WNT3A: variants seen among roughly 807,000 people sequenced by gnomAD.
The protein encoded by WNT3A is Wnt family member 3A, also known as protein Wnt-3a.
A neutral mutation model predicts 37.0 loss-of-function variants in WNT3A; 17 were observed. The ratio of observed to expected loss-of-function variants is 0.46; its 90% CI spans 0.31 to 0.69. The LOEUF (loss-of-function observed/expected upper bound fraction) is 0.69. WNT3A is among the 30% of genes least tolerant of loss of function. The probability of loss-of-function intolerance (pLI) is 0.05; values close to 1 mark genes in which losing one functional copy is unlikely to be tolerated. For synonymous variants in WNT3A, 187 were observed against 211.0 expected, an observed-to-expected ratio of 0.89 and a Z score of 0.99; for missense variants, 411 against 510.2, an observed-to-expected ratio of 0.81 and a Z score of 1.87.
chr1:228,058,901 G>T, intron 3 of WNT3A, 85 bp from the exon 4 acceptor site: 1 of 1,349,022 alleles, frequency 7.4e-7, no homozygotes, highest in Middle Eastern at 2.5e-4. Context: ...GGAGCAGGTA[G>T]GCTGCAGGCG....
chr1:228,054,116 G>A (rs115310027), intron 3 of WNT3A, among the ~76,000 whole-genome samples: 83 of 152,312 alleles, frequency 5.4e-4, no homozygotes, highest in African/African-American at 1.9e-3. Flanking sequence ...CTTCCTCAGT[G>A]TAGGCTGTGA....
chr1:228,039,836 C>G lies in WNT3A; in HGVS notation c.314-10820C>G, dbSNP rs988532612. On this transcript the variant is annotated intron_variant, in intron 2 of 3. Transcript: ENST00000284523. This position sits in a 1 kb window ranked among gnomAD's most constrained non-coding sequence, Gnocchi z 4.1. ...CTTCAGACTGAGCACTCTGCCTCCC[C>G]GAGGAGCTGGATTTCATTGTCCTAT... Among the ~76,000 whole-genome samples the G allele has an allele frequency of 6.6e-6, 1 of 152,290 alleles. No homozygotes were observed. Among genetic ancestry groups the G allele is most frequent in the South Asian group, 2.1e-4 (1 of 4,822 alleles).
At position 228,008,100 on chromosome 1, in the gene WNT3A, G is replaced by A. The variant is rs904702463; in HGVS notation, c.71+901G>A. 2.6e-5 allele frequency among the ~76,000 whole-genome samples: 4 copies of A among 152,194 alleles called. No individual in the cohort carries two copies. Among genetic ancestry groups the A allele is most frequent in the South Asian group, 2.1e-4 (1 of 4,834 alleles). Reference sequence around the variant, plus strand: ...GAACGGTGGCCACACTTTCGCCAGGGCTTGTGATCCCTCAGAGCCCTCACC... The same window carrying A: ...GAACGGTGGCCACACTTTCGCCAGGACTTGTGATCCCTCAGAGCCCTCACC... On this transcript the variant is annotated intron_variant, in intron 1 of 3. Transcript: ENST00000284523. This position sits in a 1 kb window ranked among gnomAD's most constrained non-coding sequence, Gnocchi z 4.9.
chr1:228,011,779 G>C (rs1225645275), intron 1 of WNT3A, among the ~76,000 whole-genome samples: 1 of 152,202 alleles, frequency 6.6e-6, no homozygotes, highest in East Asian at 1.9e-4. Flanking sequence ...TCCCAGAGCT[G>C]TGGGATCTCA....
At position 228,060,059 on chromosome 1, in the gene WNT3A, G is replaced by A. The variant is rs1249596944; in HGVS notation, c.*594G>A. 5 of 1,197,022 alleles carry A rather than the reference G, an allele frequency of 4.2e-6. No individual in the cohort carries two copies. Among genetic ancestry groups the A allele is most frequent in the African/African-American group, 1.6e-5 (1 of 62,602 alleles). The allele number at this position is 1,197,022 out of a possible 1,614,324, so 74.2% of individuals were successfully genotyped here. Reference sequence around the variant, plus strand: ...CAAGGCCCCTTCCACGGGGGCTGTGGCTCTGGGTGGGCGTGGCCTGCATAG... The same window carrying A: ...CAAGGCCCCTTCCACGGGGGCTGTGACTCTGGGTGGGCGTGGCCTGCATAG... On this transcript the variant is annotated 3_prime_UTR_variant, in exon 4 of 4. Coordinates refer to ENST00000284523, the MANE Select transcript of WNT3A (RefSeq NM_033131.4).
rs1375571232 is a variant in WNT3A at position 228,037,294 on chromosome 1, C to A, written c.314-13362C>A. 6.6e-6 allele frequency among the ~76,000 whole-genome samples: 1 copy of A among 152,112 alleles called. No homozygotes were observed. Among genetic ancestry groups the A allele is most frequent in the Non-Finnish European group, 1.5e-5 (1 of 68,008 alleles). ...CCAGGGTATCCCCACTCAAAGCACA[C>A]GGCCAGATTCCTGGTTGGTGCCCCA... On this transcript the variant is annotated intron_variant, in intron 2 of 3. Transcript: ENST00000284523. This position sits in a 1 kb window ranked among gnomAD's most constrained non-coding sequence, Gnocchi z 4.1.
chr1:228,035,832 C>CCCT (rs1345857227), intron 2 of WNT3A, among the ~76,000 whole-genome samples: 2 of 152,186 alleles, frequency 1.3e-5, no homozygotes, highest in Non-Finnish European at 2.9e-5. Context: ...CTCCCCTGGA[C>CCCT]CCTCTCCTTC....
At chr1:228,046,629 T>C (rs2102777396) in intron 2 of WNT3A, among the ~76,000 whole-genome samples, 1 of 149,856 alleles carries the variant, frequency 6.7e-6, no homozygotes, top group East Asian at 2.0e-4. Context: ...GTGTATGGTA[T>C]GTGTGGTATG....
At chr1:228,045,409 C>T (rs1052080303) in intron 2 of WNT3A, among the ~76,000 whole-genome samples, 1 of 152,110 alleles carries the variant, frequency 6.6e-6, no homozygotes, top group Non-Finnish European at 1.5e-5. Flanking sequence ...GTGTGCCATG[C>T]GTGAGCTCCA....
At chr1:228,020,042 A>G (rs1255830722) in intron 1 of WNT3A, among the ~76,000 whole-genome samples, 1 of 152,250 alleles carries the variant, frequency 6.6e-6, no homozygotes, top group Non-Finnish European at 1.5e-5. Flanking sequence ...CCTGGCCAAC[A>G]TGGCAAAACC....
rs2031198489 is a variant in WNT3A at position 228,038,583 on chromosome 1, C to T, written c.314-12073C>T. Among the ~76,000 whole-genome samples the T allele has an allele frequency of 6.6e-6, 1 of 152,210 alleles. No individual in the cohort carries two copies. The highest frequency in any genetic ancestry group is 2.1e-4 in the South Asian group (1 of 4,822). On this transcript the variant is annotated intron_variant, in intron 2 of 3. Coordinates refer to ENST00000284523, the MANE Select transcript of WNT3A (RefSeq NM_033131.4). The surrounding 1 kb of genome is among the most constrained non-coding windows in gnomAD (Gnocchi z 5.7). ...ACCCCCCTCACTCAGCCAGCCCCTT[C>T]CAGCAGCTGTGGCGTGAGCAGGCAG...
intron 3 of WNT3A, among the ~76,000 whole-genome samples, chr1:228,055,154 G>A (rs1448104962): frequency 2.0e-5 from 1 of 48,808 alleles, no homozygotes; most frequent in African/African-American, 1.1e-4. Context: ...TGGAAACTCC[G>A]TCCCAAAAAA....
intron 2 of WNT3A, among the ~76,000 whole-genome samples, chr1:228,041,070 T>TCATCTATCTAC (rs2031275245): frequency 1.3e-5 from 2 of 150,912 alleles, no homozygotes; most frequent in South Asian, 2.1e-4. Context: ...CATCTATCTA[T>TCATCTATCTAC]ATCTTTTCCT....
intron 3 of WNT3A, among the ~76,000 whole-genome samples, chr1:228,051,659 T>C (rs2031557667): frequency 6.6e-6 from 1 of 151,444 alleles, no homozygotes; most frequent in African/African-American, 2.4e-5. Context: ...GGGTTACTTT[T>C]ATAAGGGCAT....
At chr1:228,012,283 G>C (rs1304131854) in intron 1 of WNT3A, among the ~76,000 whole-genome samples, 1 of 152,192 alleles carries the variant, frequency 6.6e-6, no homozygotes, top group African/African-American at 2.4e-5. Flanking sequence ...ACCCCGTTGG[G>C]GCTTCTCAAT....
At chr1:228,023,756 C>T (rs114050583) in intron 2 of WNT3A, among the ~76,000 whole-genome samples, 2,718 of 152,304 alleles carry the variant, frequency 0.018, 99 homozygotes, top group African/African-American at 0.062. Context: ...GCAACCATCA[C>T]CTGCCTAGTT....
intron 3 of WNT3A, among the ~76,000 whole-genome samples, chr1:228,054,929 G>C (rs1457575816): frequency 2.0e-5 from 3 of 151,052 alleles, no homozygotes; most frequent in Non-Finnish European, 2.9e-5. Flanking sequence ...GCCGAGGCGA[G>C]TTCGAGACTA....
At chr1:228,023,905 G>A (rs528258215) in intron 2 of WNT3A, among the ~76,000 whole-genome samples, 15 of 152,284 alleles carry the variant, frequency 9.9e-5, no homozygotes, top group East Asian at 9.6e-4. Context: ...TTTAAGAAAC[G>A]GCATCACTCA....
chr1:228,032,987 G>A (rs1172648321), intron 2 of WNT3A, among the ~76,000 whole-genome samples: 1 of 152,176 alleles, frequency 6.6e-6, no homozygotes, highest in Non-Finnish European at 1.5e-5. Context: ...TTGGAGTAAT[G>A]TTATTCCATT....
Sources: allele counts gnomAD v4.1 joint callset (sites outside exome capture counted in the v4.1 genomes callset), GRCh38; gene constraint gnomAD v4.1.1; non-coding constraint Gnocchi (gnomAD v3.1); transcripts MANE v1.5; gene names NCBI Gene and HGNC (gene_info 2026-07-23, HGNC 2026-07-21).